Variants in MLLT3 observed in about 807,000 individuals in gnomAD.
The protein encoded by MLLT3 is MLLT3 super elongation complex subunit, also known as protein AF-9.
Under a neutral mutation model 53.2 loss-of-function variants are expected in MLLT3, and 4 were observed. The observed-to-expected ratio is 0.08, with a 90% CI of 0.04 to 0.17. MLLT3 has a LOEUF of 0.17. Ranked by LOEUF, MLLT3 falls within the 10% of genes least tolerant of loss-of-function variation. MLLT3 has a pLI of 1.00. For synonymous variants in MLLT3, 283 were observed against 230.6 expected, an observed-to-expected ratio of 1.23 and a Z score of -2.06; for missense variants, 569 against 684.0, an observed-to-expected ratio of 0.83 and a Z score of 1.87.
intron 2 of MLLT3, among the ~76,000 whole-genome samples, chr9:20,482,592 A>G (rs575680886): frequency 6.6e-6 from 1 of 152,356 alleles, no homozygotes. Flanking sequence ...CCTATACAAC[A>G]CAACATATGC....
chr9:20,452,685 C>T (rs561084047), intron 3 of MLLT3, among the ~76,000 whole-genome samples: 2 of 152,150 alleles, frequency 1.3e-5, no homozygotes, highest in Non-Finnish European at 2.9e-5. Flanking sequence ...ACCAATGGAT[C>T]ATTTCAGTAA....
rs188013365 is a variant in MLLT3, at chr9:20,551,818, A to T, written c.193+68836T>A. Among the ~76,000 whole-genome samples, 4 of 152,334 alleles carry T rather than the reference A, an allele frequency of 2.6e-5. No homozygotes were observed. In the East Asian group the frequency reaches 7.7e-4, roughly 29 times the overall value. ...TGATATTAATTTTTATTGAACATTA[A>T]CATTACACCCTATAGACATGAACAT... On this transcript the variant is annotated intron_variant, in intron 2 of 10. Coordinates refer to ENST00000380338, the MANE Select transcript of MLLT3 (RefSeq NM_004529.4).
intron 2 of MLLT3, among the ~76,000 whole-genome samples, chr9:20,541,729 CAAAG>C (rs1818636384): frequency 6.6e-6 from 1 of 152,198 alleles, no homozygotes; most frequent in Admixed American, 6.5e-5. Context: ...GCTTCCATCT[CAAAG>C]AAACCACTTT....
intron 2 of MLLT3, among the ~76,000 whole-genome samples, chr9:20,558,357 G>A (rs975190355): frequency 2.5e-4 from 38 of 152,216 alleles, no homozygotes; most frequent in African/African-American, 8.2e-4. Flanking sequence ...GATCTCAAGT[G>A]CCTAACCTCA....
chr9:20,391,941 G>A (rs1315714000), intron 5 of MLLT3, among the ~76,000 whole-genome samples: 2 of 152,050 alleles, frequency 1.3e-5, no homozygotes, highest in East Asian at 3.9e-4. Flanking sequence ...TGCTACATAA[G>A]GTTAAAGACA....
At chr9:20,461,099 T>C (rs1266021110) in intron 2 of MLLT3, among the ~76,000 whole-genome samples, 1 of 152,196 alleles carries the variant, frequency 6.6e-6, no homozygotes, top group Non-Finnish European at 1.5e-5. Context: ...AAACTCTCTT[T>C]GTCTAATTAA....
intron 2 of MLLT3, among the ~76,000 whole-genome samples, chr9:20,521,170 A>T (rs1818048175): frequency 6.6e-6 from 1 of 151,956 alleles, no homozygotes; most frequent in Non-Finnish European, 1.5e-5. Context: ...TCCTGAGTTC[A>T]AGCGATTCTC....
At chr9:20,501,501 C>T (rs2118941053) in intron 2 of MLLT3, among the ~76,000 whole-genome samples, 1 of 152,212 alleles carries the variant, frequency 6.6e-6, no homozygotes. Context: ...CCTGTAATCC[C>T]AGCATTTTGG....
chr9:20,363,953 T>C (rs553436403), intron 6 of MLLT3, among the ~76,000 whole-genome samples: 2 of 152,370 alleles, frequency 1.3e-5, no homozygotes, highest in East Asian at 3.9e-4. Flanking sequence ...TATTGAGAAG[T>C]TGAGATTAAT....
At chr9:20,614,950 C>G (rs1298849486) in intron 2 of MLLT3, among the ~76,000 whole-genome samples, 1 of 143,694 alleles carries the variant, frequency 7.0e-6, no homozygotes, top group African/African-American at 2.5e-5. Flanking sequence ...AGTGATATCC[C>G]TGCCTGGCCT....
At chr9:20,489,802 A>G (rs904262599) in intron 2 of MLLT3, among the ~76,000 whole-genome samples, 1 of 152,152 alleles carries the variant, frequency 6.6e-6, no homozygotes, top group East Asian at 1.9e-4. Context: ...ATTTGATGAC[A>G]ATCAAACCTA....
chr9:20,610,440 T>A (rs1820673457), intron 2 of MLLT3, among the ~76,000 whole-genome samples: 1 of 152,158 alleles, frequency 6.6e-6, no homozygotes, highest in Non-Finnish European at 1.5e-5. Flanking sequence ...TAAATTCAAG[T>A]GGTGGTTCTG....
At chr9:20,427,322 A>G (rs1017639449) in intron 4 of MLLT3, among the ~76,000 whole-genome samples, 1 of 151,808 alleles carries the variant, frequency 6.6e-6, no homozygotes, top group Non-Finnish European at 1.5e-5. Flanking sequence ...AAAAAAAAAC[A>G]CTGTTGGAAT....
At chr9:20,500,968 A>G (rs1825208048) in intron 2 of MLLT3, among the ~76,000 whole-genome samples, 1 of 152,200 alleles carries the variant, frequency 6.6e-6, no homozygotes, top group Non-Finnish European at 1.5e-5. Flanking sequence ...GTTTCAAATC[A>G]TTCTTTCATT....
intron 3 of MLLT3, among the ~76,000 whole-genome samples, chr9:20,455,750 G>C (rs1469014996): frequency 6.6e-6 from 1 of 152,012 alleles, no homozygotes; most frequent in Non-Finnish European, 1.5e-5. Flanking sequence ...TTATCTATAA[G>C]TTACTATTCT....
At chr9:20,534,014 A>T (rs1168566306) in intron 2 of MLLT3, among the ~76,000 whole-genome samples, 1 of 152,214 alleles carries the variant, frequency 6.6e-6, no homozygotes, top group Non-Finnish European at 1.5e-5. Flanking sequence ...TAGTCATGGC[A>T]CAATGTACAC....
intron 2 of MLLT3, among the ~76,000 whole-genome samples, chr9:20,604,833 C>G (rs1037576398): frequency 2.0e-5 from 3 of 152,088 alleles, no homozygotes; most frequent in African/African-American, 7.2e-5. Flanking sequence ...TCAGTCAGTA[C>G]GTTTACTTGA....
At chr9:20,547,644 CAAAAAAAA>C (rs71334534) in intron 2 of MLLT3, among the ~76,000 whole-genome samples, 2 of 122,822 alleles carry the variant, frequency 1.6e-5, no homozygotes, top group African/African-American at 5.8e-5. Context: ...AACTCCATCT[CAAAAAAAA>C]AAAAAAAAAA....
chr9:20,520,848 G>C (rs1252765076), intron 2 of MLLT3, among the ~76,000 whole-genome samples: 1 of 152,278 alleles, frequency 6.6e-6, no homozygotes, highest in Non-Finnish European at 1.5e-5. Flanking sequence ...GCTGGCCATG[G>C]CCACGGCTGC....
Sources: allele counts gnomAD v4.1 joint callset (sites outside exome capture counted in the v4.1 genomes callset), GRCh38; gene constraint gnomAD v4.1.1; transcripts MANE v1.5; gene names NCBI Gene and HGNC (gene_info 2026-07-23, HGNC 2026-07-21).